Variants in PCNA observed in about 807,000 individuals in gnomAD.
PCNA encodes DNA sliding clamp PCNA.
PCNA carries 4 observed loss-of-function variants against 27.8 expected under a neutral mutation model. The ratio of observed to expected loss-of-function variants is 0.14; its 90% confidence interval spans 0.07 to 0.33. The LOEUF is 0.33. Ranked by LOEUF, PCNA falls within the 10% of genes least tolerant of loss-of-function variation. PCNA has a pLI of 1.00. For missense variants in PCNA, 165 were observed against 327.4 expected (o/e 0.50, Z 3.83); for synonymous variants, 121 against 119.4 (o/e 1.01, Z -0.09).
chr20:5,119,979 G>A (rs952893131), upstream of PCNA: 20 of 606,314 alleles, frequency 3.3e-5, no homozygotes, highest in Non-Finnish European at 4.1e-5. Flanking sequence ...CCGCAAGCGC[G>A]CGCTCTCACC....
chr20:5,119,442 C>A, intron 1 of PCNA, 136 bp downstream of exon 1: 1 of 709,960 alleles, frequency 1.4e-6, no homozygotes, highest in South Asian at 1.9e-5. Context: ...CTGGGCCCCA[C>A]CCCACTGCGT....
At chr20:5,124,687 AG>A (rs2090535314), upstream of PCNA, among the ~76,000 whole-genome samples, 2 of 152,030 alleles carry the variant, frequency 1.3e-5, no homozygotes, top group South Asian at 4.1e-4. Context: ...GAGAGAGAGA[AG>A]GGCTCTAAAG....
intron 1 of PCNA, 74 bp downstream of exon 1, chr20:5,119,504 G>T: frequency 8.0e-7 from 1 of 1,243,070 alleles, no homozygotes; most frequent in Non-Finnish European, 1.1e-6. Flanking sequence ...TGAGGGCTAG[G>T]CTCGAAAGCG....
chr20:5,124,690 G>A (rs1010944087), upstream of PCNA, among the ~76,000 whole-genome samples: 2 of 151,818 alleles, frequency 1.3e-5, no homozygotes, highest in African/African-American at 4.8e-5. Flanking sequence ...AGAGAGAAGG[G>A]CTCTAAAGCT....
intron 4 of PCNA, 85 bp from the exon 5 acceptor site, chr20:5,115,657 CACTT>C (rs1358417484): frequency 2.8e-5 from 33 of 1,176,766 alleles, no homozygotes; most frequent in Non-Finnish European, 3.9e-5. Context: ...AACCCACAAA[CACTT>C]GTATTGGTCA....
Position 5,118,881 on chromosome 20 carries a change from A to G in PCNA, c.222-15T>C, listed in dbSNP as rs1431912977. ...TTTTGGACATACTAGAAGACAGGAG[A>G]CACATGCTTTAAAATCAACGCCGTC... On this transcript the variant is annotated splice_polypyrimidine_tract_variant and intron_variant, in intron 1 of 5. Transcript: ENST00000379143. 3.2e-6 allele frequency: 5 copies of G among 1,562,924 alleles called. No homozygotes were observed. In the East Asian group the frequency reaches 1.1e-4, roughly 35 times the overall value.
chr20:5,122,832 A>C (rs1001340904), upstream of PCNA, among the ~76,000 whole-genome samples: 1 of 152,226 alleles, frequency 6.6e-6, no homozygotes, highest in Non-Finnish European at 1.5e-5. Context: ...AGACATTTTA[A>C]ATGACAAACT....
chr20:5,125,235 G>A (rs57651330), intron 1 of PCNA, among the ~76,000 whole-genome samples: 70 of 152,292 alleles, frequency 4.6e-4, no homozygotes, highest in African/African-American at 1.6e-3. Context: ...AGCTACTCGG[G>A]CATATACTCA....
At chr20:5,117,417 G>A (rs2090482753) in intron 4 of PCNA, 53 bp downstream of exon 4, 1 of 1,184,236 alleles carries the variant, frequency 8.4e-7, no homozygotes, top group East Asian at 2.4e-5. Flanking sequence ...AACCTAATAA[G>A]CAGTATTATA....
At position 5,115,304 on chromosome 20, in the gene PCNA, G is replaced by A. The variant is rs755609215; in HGVS notation, c.765C>T (p.Ile255=). ...GHLKYYLAPK[I]EDEEGS ...ATGCCTAAGATCCTTCTTCATCCTC[G>A]ATCTTGGGAGCCAAGTAGTATTTTA... The change falls in exon 6 of 6, where the codon ATC becomes ATT. Residue 255 remains isoleucine (I), a synonymous_variant. Coordinates refer to ENST00000379143, the MANE Select transcript of PCNA (RefSeq NM_182649.2). 3.7e-6 allele frequency: 6 copies of A among 1,613,472 alleles called. No homozygotes were observed. In the Admixed American group the frequency reaches 5.0e-5, roughly 13 times the overall value.
At chr20:5,116,689 G>A (rs1248190747) in intron 4 of PCNA, among the ~76,000 whole-genome samples, 2 of 152,092 alleles carry the variant, frequency 1.3e-5, no homozygotes, top group African/African-American at 4.8e-5. Flanking sequence ...ATCTTGCTCT[G>A]TCACCCAGGC....
chr20:5,117,855 G>A (rs2090486253), intron 3 of PCNA, among the ~76,000 whole-genome samples, 191 bp from the exon 4 acceptor site: 1 of 152,178 alleles, frequency 6.6e-6, no homozygotes, highest in African/African-American at 2.4e-5. Context: ...ACCATCCAGG[G>A]AACAAGAGCC....
At chr20:5,117,695 A>G in intron 3 of PCNA, 31 bp from the exon 4 acceptor site, 1 of 1,396,584 alleles carries the variant, frequency 7.2e-7, no homozygotes, top group Non-Finnish European at 9.8e-7. Context: ...CCAAAAGTTA[A>G]TTGTTAGAAA....
chr20:5,119,427 C>A (rs1353062209), intron 1 of PCNA, 151 bp downstream of exon 1: 3 of 658,164 alleles, frequency 4.6e-6, no homozygotes, highest in Non-Finnish European at 7.7e-6. Context: ...GAACCGCGCG[C>A]TCAGCTGGGC....
At chr20:5,126,441 G>T (rs1405334574) in intron 1 of PCNA, 1 of 152,258 alleles carries the variant, frequency 6.6e-6, no homozygotes, top group African/African-American at 2.4e-5. Flanking sequence ...GTGATAAAAT[G>T]CTCTTAACCA....
intron 4 of PCNA, among the ~76,000 whole-genome samples, chr20:5,117,004 T>C (rs1327786650): frequency 3.3e-5 from 5 of 152,186 alleles, no homozygotes; most frequent in Admixed American, 1.3e-4. Context: ...TTAAGGTTGC[T>C]CAGCCTGCTT....
At chr20:5,120,774 G>A (rs775875741), upstream of PCNA, among the ~76,000 whole-genome samples, 1 of 152,084 alleles carries the variant, frequency 6.6e-6, no homozygotes, top group Non-Finnish European at 1.5e-5. Context: ...ATACAGCTGA[G>A]TCAAAGAGCG....
Position 5,118,857 on chromosome 20 carries a change from T to C in PCNA, c.231A>G (p.Lys77=). The change falls in exon 2 of 6, where the codon AAA becomes AAG. Residue 77 remains lysine (K), a synonymous_variant. Transcript: ENST00000379143. ...CTTCATTGCCGGCGCATTTTAGTAT[T>C]TTGGACATACTAGAAGACAGGAGAC... ...AMGVNLTSMS[K]ILKCAGNEDI... The C allele has an allele frequency of 1.9e-6, 3 of 1,609,844 alleles. No homozygotes were observed. The highest frequency in any genetic ancestry group is 2.6e-6 in the Non-Finnish European group (3 of 1,176,344).
intron 1 of PCNA, chr20:5,126,470 T>C (rs957218388): frequency 4.6e-5 from 7 of 152,380 alleles, no homozygotes; most frequent in Admixed American, 3.9e-4. Context: ...CACCTGGCCT[T>C]TCCATTCGAC....
Sources: gnomAD v4.1 joint callset for allele counts (sites outside exome capture counted in the v4.1 genomes callset) on GRCh38, gnomAD v4.1.1 for gene constraint, MANE v1.5 for transcripts, NCBI Gene and HGNC (gene_info 2026-07-23, HGNC 2026-07-21) for gene names.